NBPF19: variants seen among roughly 807,000 people sequenced by gnomAD.
NBPF19 encodes NBPF member 19.
Under a neutral mutation model 45.9 loss-of-function variants are expected in NBPF19, and 30 were observed. The ratio of observed to expected loss-of-function variants is 0.65; its 90% CI spans 0.49 to 0.89. The LOEUF (loss-of-function observed/expected upper bound fraction) is 0.89. Among genes scored for constraint, NBPF19 ranks in the 40% least tolerant of loss-of-function variants. NBPF19 has a pLI of 0.00. For synonymous variants in NBPF19, 183 were observed against 181.2 expected, an observed-to-expected ratio of 1.01 and a Z score of -0.08; for missense variants, 495 against 471.8, an observed-to-expected ratio of 1.05 and a Z score of -0.46.
intron 8 of NBPF19, among the ~76,000 whole-genome samples, chr1:149,486,721 G>A (rs1570976417): frequency 6.6e-6 from 1 of 151,234 alleles, no homozygotes; most frequent in Non-Finnish European, 1.5e-5. Context: ...TGTCACCCTT[G>A]TCTACCTCTC....
chr1:149,483,638 C>T (rs1346845675), intron 7 of NBPF19, among the ~76,000 whole-genome samples: 1 of 148,744 alleles, frequency 6.7e-6, no homozygotes, highest in African/African-American at 2.5e-5. Context: ...ATGGTCTTTA[C>T]AGTTTGGCAT....
Position 149,554,661 on chromosome 1 carries a change from T to C in NBPF19, c.11455T>C (p.Leu3819=), listed in dbSNP as rs1166207238. 1.2e-5 allele frequency: 19 copies of C among 1,607,970 alleles called. No homozygotes were observed. Among genetic ancestry groups the C allele is most frequent in the Admixed American group, 1.7e-5 (1 of 59,846 alleles). ...EEEHISFALY[L]DNRFFTLTVT... ...AGAGCATATCAGCTTCGCCCTTTAC[T>C]TGGACAATAGGTTTTTTACTTTGAC... The change falls in exon 94 of 94, where the codon TTG becomes CTG. Residue 3819 remains leucine (L), a synonymous_variant. Coordinates refer to ENST00000651566, the MANE Select transcript of NBPF19 (RefSeq NM_001351365.2).
At position 149,491,420 on chromosome 1, in the gene NBPF19, T is replaced by C; in HGVS notation, c.1663+109T>C. 7 of 134,446 alleles carry C rather than the reference T, an allele frequency of 5.2e-5. No individual in the cohort carries two copies. The Admixed American group carries it at 6.8e-4, about 13-fold the overall frequency. The allele number at this position is 134,446 out of a possible 1,614,324, so 8.3% of individuals were successfully genotyped here. ...GAGCTGAGAGATGTCGTTGCCGCAG[T>C]GAGGACCTATAGGCACATGTAGGTT... On this transcript the variant is annotated intron_variant, in intron 14 of 93. Transcript: ENST00000651566.
At position 149,477,880 on chromosome 1, in the gene NBPF19, GTA is replaced by G. The variant is rs2084938419; in HGVS notation, c.176-64_176-63del. 3 of 844,198 alleles carry G rather than the reference GTA, an allele frequency of 3.6e-6. 1 individual carries two copies. The highest frequency in any genetic ancestry group is 6.0e-6 in the Non-Finnish European group (3 of 499,494). 52.3% of individuals were successfully genotyped at this position (844,198 alleles called of 1,614,324 possible). A position where few individuals can be genotyped will look rare whatever the true frequency, so the allele number is the denominator to read the frequency against. On this transcript the variant is annotated intron_variant, in intron 2 of 93. Transcript: ENST00000651566. ...TTGGGATGGACCTGGCTCCTGCCCT[GTA>G]GGCAGTGACCACAGCAGCATGTCCA... is the stretch of plus-strand genomic sequence containing the variant.
chr1:149,528,943 C>G (rs1452671939), intron 61 of NBPF19, among the ~76,000 whole-genome samples: 134 of 124,126 alleles, frequency 1.1e-3, no homozygotes, highest in Middle Eastern at 9.3e-3. Context: ...CGTTCTCTCT[C>G]TCTGTGTGTG....
chr1:149,494,108 C>G lies in NBPF19; in HGVS notation c.1998-210C>G, dbSNP rs1336290475. Among the ~76,000 whole-genome samples the G allele has an allele frequency of 2.9e-5, 4 of 135,742 alleles. No individual in the cohort carries two copies. In the East Asian group the frequency reaches 7.0e-4, roughly 24 times the overall value. 89.1% of individuals were successfully genotyped at this position (135,742 alleles called of 152,430 possible). ...CTCACTTTCTCCTCTCTCTCTCTCT[C>G]TCTCTCTCTCCCTCTCCCTGTCTTT... On this transcript the variant is annotated intron_variant, in intron 17 of 93. Transcript: ENST00000651566.
chr1:149,554,858 G>A lies in NBPF19; in HGVS notation c.*120G>A. On this transcript the variant is annotated 3_prime_UTR_variant, in exon 94 of 94. Transcript: ENST00000651566. The stretch of plus-strand genomic sequence containing the variant: ...AGACATAGGATGGGTCAGTGGGCAT[G>A]GCTCTTTTCCTATTCTCAAACCATG... 5.9e-6 allele frequency: 9 copies of A among 1,534,774 alleles called. No homozygotes were observed. Among genetic ancestry groups the A allele is most frequent in the African/African-American group, 1.4e-5 (1 of 72,834 alleles).
In NBPF19 at chr1:149,480,809, G is replaced by A; in HGVS notation, c.697G>A (p.Glu233Lys). The A allele has an allele frequency of 8.1e-7, 1 of 1,235,610 alleles. No individual in the cohort carries two copies. Among genetic ancestry groups the A allele is most frequent in the Non-Finnish European group, 1.2e-6 (1 of 851,034 alleles). The allele number at this position is 1,235,610 out of a possible 1,614,324, so 76.5% of individuals were successfully genotyped here. The change falls in exon 6 of 94, where the codon GAA becomes AAA. Residue 233 changes from glutamate to lysine, a missense_variant. Coordinates refer to ENST00000651566, the MANE Select transcript of NBPF19 (RefSeq NM_001351365.2). ...TAGGAAAACCAAAATCACATTTGAG[G>A]AAGACAAAGTCGACTCAACTCTCAT... is the stretch of plus-strand genomic sequence containing the variant. The part of the protein sequence containing the change: ...PHRKTKITFE[E>K]DKVDSTLIGS...
chr1:149,478,995 A>T lies in NBPF19; in HGVS notation c.394A>T (p.Thr132Ser), dbSNP rs1354940494. ...GAATGAGCATCTCCAGGCCCTCCTC[A>T]CTCCGGATGAGCCGGACAAGTCCCA... ...SLNEHLQALLTPDEPDKSQGQ... is the reference protein window; with the variant it reads ...SLNEHLQALLSPDEPDKSQGQ... Residue 132 changes from threonine to serine, a missense_variant, in exon 4 of 94, where the codon ACT (threonine) becomes TCT (serine). By Grantham distance (58) the Thr-to-Ser change is moderately conservative. This residue lies in a region of NBPF19 where 69 missense variants were observed against 87.8 expected (regional missense o/e 0.79). Transcript: ENST00000651566. 8 of 1,587,360 alleles carry T rather than the reference A, an allele frequency of 5.0e-6. No homozygotes were observed. Among genetic ancestry groups the T allele is most frequent in the Non-Finnish European group, 6.9e-6 (8 of 1,158,110 alleles).
rs1218086268 is a variant in NBPF19 at position 149,475,103 on chromosome 1, C to G, written c.-728C>G. 2.1e-5 allele frequency among the ~76,000 whole-genome samples: 3 copies of G among 145,554 alleles called. No homozygotes were observed. The Admixed American group carries it at 2.1e-4, about 10-fold the overall frequency. On this transcript the variant is annotated 5_prime_UTR_variant, in exon 1 of 94. Transcript: ENST00000651566. ...ACTGGTCTAGAATGTAATGAAAACC[C>G]AAGAAGGTGCCCCAGTAAGAAAGAG...
chr1:149,554,574 A>T lies in NBPF19; in HGVS notation c.11368A>T (p.Met3790Leu). ...GGATGGATGTTATTCGACTCCGTCA[A>T]TGTACTTTGAACTACCTGACTCATT... Reference protein sequence around the residue: ...SLDGCYSTPSMYFELPDSFQH... With the variant: ...SLDGCYSTPSLYFELPDSFQH... The change falls in exon 94 of 94, where the codon ATG becomes TTG. Residue 3790 changes from methionine (M) to leucine (L), a missense_variant. This residue lies in a region of NBPF19 where 248 missense variants were observed against 95.4 expected (regional missense o/e 2.60). Transcript: ENST00000651566. The T allele has an allele frequency of 1.2e-6, 2 of 1,608,312 alleles. No homozygotes were observed. The highest frequency in any genetic ancestry group is 2.2e-5 in the South Asian group (2 of 90,884).
At chr1:149,478,447 C>T (rs2084978377) in intron 3 of NBPF19, among the ~76,000 whole-genome samples, 2 of 151,206 alleles carry the variant, frequency 1.3e-5, no homozygotes, top group Admixed American at 6.6e-5. Flanking sequence ...CCTTCTTGAC[C>T]CTGTCCTTCT....
In NBPF19 at chr1:149,554,585, A is replaced by C; in HGVS notation, c.11379A>C (p.Glu3793Asp). 1 of 1,608,226 alleles carries C rather than the reference A, an allele frequency of 6.2e-7. No individual in the cohort carries two copies. Among genetic ancestry groups the C allele is most frequent in the Non-Finnish European group, 8.5e-7 (1 of 1,176,748 alleles). Residue 3793 changes from glutamate (E) to aspartate (D), a missense_variant, in exon 94 of 94, where the codon GAA (glutamate) becomes GAC (aspartate). Coordinates refer to ENST00000651566, the MANE Select transcript of NBPF19 (RefSeq NM_001351365.2). ...GCYSTPSMYF[E>D]LPDSFQHYRS... ...ATTCGACTCCGTCAATGTACTTTGA[A>C]CTACCTGACTCATTCCAGCACTACA...
intron 9 of NBPF19, among the ~76,000 whole-genome samples, 180 bp downstream of exon 9, chr1:149,487,563 C>T (rs1377171026): frequency 6.6e-6 from 1 of 150,902 alleles, no homozygotes; most frequent in Non-Finnish European, 1.5e-5. Context: ...TTTCTTCCTA[C>T]CCTTATCATT....
At chr1:149,478,779 A>T (rs1259673467) in intron 3 of NBPF19, 101 bp from the exon 4 acceptor site, 1 of 1,281,020 alleles carries the variant, frequency 7.8e-7, no homozygotes, top group African/African-American at 1.5e-5. Flanking sequence ...TTCTGCTTGG[A>T]GGTCTCCTTG....
intron 9 of NBPF19, among the ~76,000 whole-genome samples, chr1:149,487,624 A>G (rs1418454411): frequency 5.3e-5 from 8 of 150,642 alleles, no homozygotes; most frequent in East Asian, 2.0e-4. Flanking sequence ...TTCTCATGGT[A>G]ACTGCAGGGA....
At chr1:149,478,191 T>A in intron 3 of NBPF19, 144 bp downstream of exon 3, 1 of 734,156 alleles carries the variant, frequency 1.4e-6, no homozygotes, top group Non-Finnish European at 2.4e-6. Flanking sequence ...CACAAATATT[T>A]ATCAGTGAAC....
chr1:149,528,957 G>GTC (rs1317718963), intron 61 of NBPF19, among the ~76,000 whole-genome samples: 5,909 of 127,000 alleles, frequency 0.047, 111 homozygotes, highest in East Asian at 0.18. Flanking sequence ...GTGTGTGTGT[G>GTC]TGTGTGTGTG....
intron 9 of NBPF19, among the ~76,000 whole-genome samples, chr1:149,487,683 T>C (rs1462289394): frequency 1.3e-5 from 2 of 150,186 alleles, no homozygotes; most frequent in Non-Finnish European, 3.0e-5. Context: ...CTTTTCATGA[T>C]CACTGTTCAC....
Sources: gnomAD v4.1 joint callset for allele counts (sites outside exome capture counted in the v4.1 genomes callset) on GRCh38, gnomAD v4.1.1 for gene constraint, gnomAD v4.1.1 regional missense constraint, MANE v1.5 for transcripts, NCBI Gene and HGNC (gene_info 2026-07-23, HGNC 2026-07-21) for gene names.